SNX25: variants seen among roughly 807,000 people sequenced by gnomAD.
SNX25 encodes the protein sorting nexin 25.
In SNX25, 62 loss-of-function variants were observed where a neutral mutation model predicts 113.7. The ratio of observed to expected loss-of-function variants is 0.55; its 90% CI spans 0.44 to 0.67. SNX25 has a LOEUF of 0.67. Among genes scored for constraint, SNX25 ranks in the 30% least tolerant of loss-of-function variants. SNX25 has a pLI of 0.00. For missense variants in SNX25, 1,014 were observed against 1,161.0 expected (o/e 0.87, Z 1.84); for synonymous variants, 421 against 436.2 (o/e 0.97, Z 0.43).
chr4:185,222,496 C>T (rs906194464), intron 1 of SNX25, among the ~76,000 whole-genome samples: 1 of 151,892 alleles, frequency 6.6e-6, no homozygotes, highest in African/African-American at 2.4e-5. Flanking sequence ...GGTAGGTTTA[C>T]AGCGCCGTAT....
downstream of SNX25, chr4:185,374,079 G>T: frequency 7.1e-7 from 1 of 1,418,408 alleles, no homozygotes; most frequent in Non-Finnish European, 9.9e-7. Context: ...AAAAAAAGCA[G>T]TGAAACAAAT....
At chr4:185,303,658 CAAAAAAAAA>C (rs34378168) in intron 6 of SNX25, among the ~76,000 whole-genome samples, 1 of 50,904 alleles carries the variant, frequency 2.0e-5, no homozygotes, top group Non-Finnish European at 4.2e-5. Flanking sequence ...GACTCTGTCT[CAAAAAAAAA>C]AAAAAAAAAA....
At chr4:185,268,089 T>C (rs908534737) in intron 5 of SNX25, among the ~76,000 whole-genome samples, 30 of 152,314 alleles carry the variant, frequency 2.0e-4, no homozygotes, top group Admixed American at 7.8e-4. Flanking sequence ...TTCAAACCTA[T>C]GTTTTTCAAG....
intron 5 of SNX25, among the ~76,000 whole-genome samples, chr4:185,281,343 CTG>C (rs146644406): frequency 0.013 from 1,984 of 152,232 alleles, 45 homozygotes; most frequent in African/African-American, 0.046. Context: ...GCGGGGCAGA[CTG>C]TGTTTTAAGA....
intron 2 of SNX25, among the ~76,000 whole-genome samples, chr4:185,253,898 A>G: frequency 6.6e-6 from 1 of 152,278 alleles, no homozygotes; most frequent in East Asian, 1.9e-4. Flanking sequence ...GAAAACAATC[A>G]TGACAGCGGA....
intron 3 of SNX25, 92 bp downstream of exon 3, chr4:185,259,156 T>G: frequency 9.0e-6 from 9 of 997,098 alleles, no homozygotes; most frequent in Non-Finnish European, 1.3e-5. Flanking sequence ...TAGAATATTC[T>G]GCCTATTGCT....
chr4:185,220,609 G>A (rs1446736680), intron 1 of SNX25, among the ~76,000 whole-genome samples: 6 of 151,250 alleles, frequency 4.0e-5, no homozygotes, highest in African/African-American at 1.5e-4. Context: ...AGCCTCCCAA[G>A]TAGCTGGGAT....
chr4:185,219,539 GACAGAGCAAGAC>G (rs1308715397), intron 1 of SNX25, among the ~76,000 whole-genome samples: 9 of 152,120 alleles, frequency 5.9e-5, no homozygotes, highest in African/African-American at 2.2e-4. Flanking sequence ...AGGCTGGGAC[GACAGAGCAAGAC>G]TCCATCTCAA....
rs374149781 is a variant in SNX25 at position 185,266,949 on chromosome 4, A to G, written c.905-20A>G. On this transcript the variant is annotated intron_variant, in intron 4 of 18. Coordinates refer to ENST00000652585, the MANE Select transcript of SNX25 (RefSeq NM_001378034.2). ...AAGAAGAATACCTTTCTCAGTGGCT[A>G]TTTCTTCTTCTTCCTGTAGTCTTGA... 1.1e-4 allele frequency: 171 copies of G among 1,601,552 alleles called. No individual in the cohort carries two copies. The highest frequency in any genetic ancestry group is 1.3e-4 in the Non-Finnish European group (158 of 1,173,998).
chr4:185,292,969 GAA>G (rs1307991258), intron 6 of SNX25, among the ~76,000 whole-genome samples: 1 of 152,146 alleles, frequency 6.6e-6, no homozygotes, highest in East Asian at 1.9e-4. Flanking sequence ...TCAAGAAAAT[GAA>G]AAGACAACTC....
chr4:185,272,547 C>T (rs1288496870), intron 5 of SNX25, among the ~76,000 whole-genome samples: 2 of 152,122 alleles, frequency 1.3e-5, no homozygotes, highest in Non-Finnish European at 2.9e-5. Flanking sequence ...CTCGGCTTCA[C>T]CCCTAGGAAT....
intron 6 of SNX25, chr4:185,296,063 C>T (rs1423921061): frequency 2.6e-5 from 4 of 152,158 alleles, no homozygotes; most frequent in Admixed American, 2.0e-4. Flanking sequence ...AGAATGGCAC[C>T]TTCTTATTAC....
At chr4:185,339,608 A>G (rs2095249766) in intron 11 of SNX25, 98 bp downstream of exon 11, 4 of 1,434,856 alleles carry the variant, frequency 2.8e-6, no homozygotes, top group Non-Finnish European at 3.7e-6. Flanking sequence ...TAGAAAACTT[A>G]CACTCATTCT....
chr4:185,377,078 GT>G, the SNX25 span: 1 of 1,181,278 alleles, frequency 8.5e-7, no homozygotes, highest in Non-Finnish European at 1.3e-6. Flanking sequence ...CTCTCTTGAA[GT>G]AATGAATCAT....
chr4:185,271,281 G>C (rs762069139), intron 5 of SNX25, among the ~76,000 whole-genome samples: 1 of 152,198 alleles, frequency 6.6e-6, no homozygotes, highest in Non-Finnish European at 1.5e-5. Context: ...CAGGTGACTA[G>C]TCTATTAGAG....
At chr4:185,324,895 C>T (rs912956436) in intron 9 of SNX25, among the ~76,000 whole-genome samples, 2 of 151,968 alleles carry the variant, frequency 1.3e-5, no homozygotes, top group African/African-American at 4.8e-5. Flanking sequence ...AGAGTAATGC[C>T]GTCTGTAGAT....
chr4:185,342,378 T>G (rs1184549275), intron 12 of SNX25, among the ~76,000 whole-genome samples: 3 of 152,242 alleles, frequency 2.0e-5, no homozygotes, highest in African/African-American at 7.2e-5. Flanking sequence ...CACCTAGGTA[T>G]CTCACAACTG....
intron 13 of SNX25, among the ~76,000 whole-genome samples, chr4:185,348,714 G>C (rs540712149): frequency 3.3e-5 from 5 of 152,022 alleles, no homozygotes; most frequent in African/African-American, 1.2e-4. Context: ...TCATTTCTTC[G>C]TGGTGAGAAC....
intron 1 of SNX25, among the ~76,000 whole-genome samples, chr4:185,230,160 C>T (rs1162251661): frequency 6.6e-6 from 1 of 152,066 alleles, no homozygotes; most frequent in Non-Finnish European, 1.5e-5. Context: ...ACCTCTCATA[C>T]ATTTAACTGA....
Sources: gnomAD v4.1 joint callset for allele counts (sites outside exome capture counted in the v4.1 genomes callset) on GRCh38, gnomAD v4.1.1 for gene constraint, MANE v1.5 for transcripts, NCBI Gene and HGNC (gene_info 2026-07-23, HGNC 2026-07-21) for gene names.